NXN: variants seen among roughly 807,000 people sequenced by gnomAD.
NXN encodes nucleoredoxin.
Under a neutral mutation model 48.6 loss-of-function variants are expected in NXN, and 16 were observed. The observed-to-expected ratio is 0.33, with a 90% confidence interval of 0.22 to 0.50. The LOEUF is 0.50. Among genes scored for constraint, NXN ranks in the 20% least tolerant of loss-of-function variants. NXN has a pLI of 0.98. For synonymous variants in NXN, 281 were observed against 269.6 expected (o/e 1.04, Z -0.41); for missense variants, 492 against 605.5 (o/e 0.81, Z 1.97).
chr17:810,970 G>C (rs1911962785), intron 5 of NXN, among the ~76,000 whole-genome samples: 1 of 152,120 alleles, frequency 6.6e-6, no homozygotes, highest in African/African-American at 2.4e-5. Flanking sequence ...TCTTCTGGTT[G>C]AAACATGCAA....
At chr17:940,403 C>T (rs1477627430) in intron 1 of NXN, among the ~76,000 whole-genome samples, 1 of 152,096 alleles carries the variant, frequency 6.6e-6, no homozygotes, top group Non-Finnish European at 1.5e-5. Context: ...CTCAATATTA[C>T]TTTTAAAAGA....
intron 1 of NXN, among the ~76,000 whole-genome samples, chr17:915,599 T>C (rs998717758): frequency 6.6e-6 from 1 of 152,168 alleles, no homozygotes; most frequent in Non-Finnish European, 1.5e-5. Flanking sequence ...GGAAATTATT[T>C]CTAAGAAAGG....
At chr17:882,919 C>T (rs1218496653) in intron 1 of NXN, among the ~76,000 whole-genome samples, 2 of 152,028 alleles carry the variant, frequency 1.3e-5, no homozygotes, top group Admixed American at 6.6e-5. Flanking sequence ...CCCGCCACCA[C>T]GCCCAGCTAA....
chr17:804,917 G>A, intron 6 of NXN, 151 bp downstream of exon 6: 1 of 814,464 alleles, frequency 1.2e-6, no homozygotes, highest in Non-Finnish European at 1.9e-6. Context: ...AAATCATTGG[G>A]GTCAAAAGCA....
At chr17:951,168 C>G (rs1376355315) in intron 1 of NXN, among the ~76,000 whole-genome samples, 1 of 84,842 alleles carries the variant, frequency 1.2e-5, no homozygotes, top group Non-Finnish European at 2.2e-5. Flanking sequence ...GAAACCCTGT[C>G]TCTACTTAAA....
At chr17:854,461 A>C (rs1188829620) in intron 1 of NXN, among the ~76,000 whole-genome samples, 6 of 149,206 alleles carry the variant, frequency 4.0e-5, no homozygotes, top group African/African-American at 1.2e-4. Context: ...ATCCTGGCTA[A>C]CACGGTGAAA....
intron 1 of NXN, among the ~76,000 whole-genome samples, chr17:976,161 A>G (rs2069455126): frequency 6.6e-6 from 1 of 151,002 alleles, no homozygotes; most frequent in Non-Finnish European, 1.5e-5. Context: ...ACAATTTTGT[A>G]TAAAGAATGT....
intron 1 of NXN, among the ~76,000 whole-genome samples, chr17:858,556 T>C (rs187566910): frequency 2.6e-3 from 389 of 151,580 alleles, no homozygotes; most frequent in Non-Finnish European, 4.4e-3. Flanking sequence ...TGAAACCCCA[T>C]CTCTACTAAA....
chr17:880,441 C>G lies in NXN; in HGVS notation c.361-54363G>C, dbSNP rs146335806. 1.0e-3 allele frequency among the ~76,000 whole-genome samples: 154 copies of G among 152,196 alleles called. No homozygotes were observed. In the Middle Eastern group the frequency reaches 0.024, roughly 24 times the overall value. On this transcript the variant is annotated intron_variant, in intron 1 of 7. Transcript: ENST00000336868. Reference sequence around the variant, plus strand: ...GCCTGTTAGAGCCTTTCTTAGGAAACTAATAAGTTACACTTTTCCTGGAGA... The same window carrying G: ...GCCTGTTAGAGCCTTTCTTAGGAAAGTAATAAGTTACACTTTTCCTGGAGA...
intron 1 of NXN, among the ~76,000 whole-genome samples, chr17:839,797 T>TAA (rs553678056): frequency 0.013 from 718 of 57,260 alleles, 94 homozygotes; most frequent in South Asian, 0.065. Flanking sequence ...GAGACCTTGT[T>TAA]AAAAAAAAAA....
rs536897489 is a variant in NXN at position 970,453 on chromosome 17, T to C, written c.360+8866A>G. ...AAAGCCAAATCATTAAAAAGGCCCT[T>C]AGAAAAAAAAACACCACCATGGAAA... On this transcript the variant is annotated intron_variant, in intron 1 of 7. Transcript: ENST00000336868. 5.3e-5 allele frequency among the ~76,000 whole-genome samples: 8 copies of C among 151,544 alleles called. No individual in the cohort carries two copies. In the South Asian group the frequency reaches 1.5e-3, roughly 28 times the overall value.
intron 1 of NXN, among the ~76,000 whole-genome samples, chr17:924,004 TAGC>T (rs1284658410): frequency 2.6e-5 from 4 of 152,196 alleles, no homozygotes; most frequent in Non-Finnish European, 4.4e-5. Flanking sequence ...TGCAAAATGT[TAGC>T]AGTGGGGAGG....
intron 1 of NXN, among the ~76,000 whole-genome samples, chr17:899,753 G>A (rs1054477736): frequency 3.5e-4 from 53 of 152,064 alleles, no homozygotes; most frequent in African/African-American, 1.0e-3. Context: ...AGCTGGGGGC[G>A]GTGGTGCACG....
intron 1 of NXN, chr17:864,261 A>C (rs1318905445): frequency 1.8e-6 from 2 of 1,101,712 alleles, no homozygotes; most frequent in Non-Finnish European, 2.6e-6. Context: ...GAAATTTCCC[A>C]AGATAAAAAG....
intron 1 of NXN, among the ~76,000 whole-genome samples, chr17:871,321 G>GTAAT (rs1218227271): frequency 6.6e-6 from 1 of 150,804 alleles, no homozygotes; most frequent in Non-Finnish European, 1.5e-5. Context: ...AGGCCAACAA[G>GTAAT]TAATTGATTC....
chr17:946,519 CCCTCTTG>C (rs2069045692), intron 1 of NXN, among the ~76,000 whole-genome samples: 1 of 152,198 alleles, frequency 6.6e-6, no homozygotes, highest in Non-Finnish European at 1.5e-5. Context: ...CCTCAACTCT[CCCTCTTG>C]CAAGAGTCCG....
intron 5 of NXN, 125 bp downstream of exon 5, chr17:819,314 T>A: frequency 2.7e-6 from 2 of 741,498 alleles, no homozygotes; most frequent in South Asian, 3.0e-5. Context: ...CTGAGAAACA[T>A]GAAAGGCACA....
chr17:889,907 G>T (rs8067018), intron 1 of NXN, among the ~76,000 whole-genome samples: 14,315 of 152,064 alleles, frequency 0.094, 1,005 homozygotes, highest in African/African-American at 0.18. Context: ...GCACTGCCAC[G>T]TTTTCCCTTC....
At chr17:856,567 C>T (rs1006085810) in intron 1 of NXN, among the ~76,000 whole-genome samples, 1 of 150,618 alleles carries the variant, frequency 6.6e-6, no homozygotes, top group Non-Finnish European at 1.5e-5. Flanking sequence ...CTCGGCTCAC[C>T]GCAACCTCCG....
Sources: gnomAD v4.1 joint callset for allele counts (sites outside exome capture counted in the v4.1 genomes callset) on GRCh38, gnomAD v4.1.1 for gene constraint, MANE v1.5 for transcripts, NCBI Gene and HGNC (gene_info 2026-07-23, HGNC 2026-07-21) for gene names.